The following ZMAT4 variants were observed in gnomAD, a reference collection of about 807,000 sequenced individuals.
The protein encoded by ZMAT4 is zinc finger matrin-type protein 4.
A neutral mutation model predicts 28.7 loss-of-function variants in ZMAT4; 17 were observed. The observed-to-expected ratio is 0.59, with a 90% CI of 0.41 to 0.89. The LOEUF is 0.89. ZMAT4 is among the 40% of genes least tolerant of loss of function. The pLI is 0.00. For missense variants in ZMAT4, 240 were observed against 283.8 expected (o/e 0.85, Z 1.11); for synonymous variants, 117 against 109.2 (o/e 1.07, Z -0.44).
At chr8:40,801,254 G>A (rs181243147) in intron 2 of ZMAT4, among the ~76,000 whole-genome samples, 5 of 150,122 alleles carry the variant, frequency 3.3e-5, no homozygotes, top group African/African-American at 7.3e-5. Flanking sequence ...AGCACCAGAC[G>A]TAAATGGGTT....
At chr8:40,670,200 G>A (rs1168258554) in intron 5 of ZMAT4, among the ~76,000 whole-genome samples, 2 of 152,130 alleles carry the variant, frequency 1.3e-5, no homozygotes, top group Non-Finnish European at 2.9e-5. Flanking sequence ...AAGACAAAGA[G>A]ATCCATGGAA....
At chr8:40,864,181 T>G (rs542453874) in intron 1 of ZMAT4, among the ~76,000 whole-genome samples, 2 of 152,360 alleles carry the variant, frequency 1.3e-5, no homozygotes, top group South Asian at 4.1e-4. Flanking sequence ...CATTTCATCT[T>G]GGAGCAGAAA....
At chr8:40,655,624 A>T (rs1231903412) in intron 5 of ZMAT4, among the ~76,000 whole-genome samples, 1 of 152,052 alleles carries the variant, frequency 6.6e-6, no homozygotes, top group Non-Finnish European at 1.5e-5. Context: ...GAATTAATGG[A>T]ATAGAATTGA....
At chr8:40,703,122 A>T (rs1458000833) in intron 3 of ZMAT4, among the ~76,000 whole-genome samples, 2 of 152,234 alleles carry the variant, frequency 1.3e-5, no homozygotes, top group African/African-American at 4.8e-5. Flanking sequence ...TCCCAGACCT[A>T]ATCCTGAATT....
At chr8:40,709,278 A>G (rs1810500842) in intron 3 of ZMAT4, among the ~76,000 whole-genome samples, 1 of 151,616 alleles carries the variant, frequency 6.6e-6, no homozygotes, top group Non-Finnish European at 1.5e-5. Flanking sequence ...TCATTTTATC[A>G]AATATTTTTG....
At chr8:40,805,761 G>A (rs1054390040) in intron 2 of ZMAT4, among the ~76,000 whole-genome samples, 3 of 141,092 alleles carry the variant, frequency 2.1e-5, no homozygotes, top group Non-Finnish European at 4.6e-5. Flanking sequence ...GACACAGGAA[G>A]GGGAACATCA....
At chr8:40,667,134 T>C (rs1210217080) in intron 5 of ZMAT4, among the ~76,000 whole-genome samples, 1 of 151,556 alleles carries the variant, frequency 6.6e-6, no homozygotes, top group African/African-American at 2.4e-5. Context: ...CCGCAATAAT[T>C]TCTTTTTTTT....
intron 5 of ZMAT4, among the ~76,000 whole-genome samples, chr8:40,605,863 T>C (rs1023081425): frequency 6.6e-6 from 1 of 152,170 alleles, no homozygotes; most frequent in African/African-American, 2.4e-5. Context: ...GGTGCATATA[T>C]AGCATACATA....
chr8:40,785,444 A>G (rs1435149320), intron 2 of ZMAT4, among the ~76,000 whole-genome samples: 1 of 152,228 alleles, frequency 6.6e-6, no homozygotes, highest in Non-Finnish European at 1.5e-5. Context: ...TAGGTGTCCA[A>G]AAAACGCTCC....
chr8:40,845,272 GA>G (rs1473563621), intron 1 of ZMAT4, among the ~76,000 whole-genome samples: 1 of 151,638 alleles, frequency 6.6e-6, no homozygotes, highest in East Asian at 1.9e-4. Flanking sequence ...GCTCCAAAAA[GA>G]AAAAAAATTT....
intron 6 of ZMAT4, among the ~76,000 whole-genome samples, chr8:40,552,027 C>T (rs368028423): frequency 9.2e-4 from 140 of 152,248 alleles, no homozygotes; most frequent in African/African-American, 3.1e-3. Flanking sequence ...CAACAAATGC[C>T]GGCTGAATCA....
At chr8:40,893,058 C>T (rs1174197768) in intron 1 of ZMAT4, among the ~76,000 whole-genome samples, 3 of 152,222 alleles carry the variant, frequency 2.0e-5, no homozygotes, top group Non-Finnish European at 4.4e-5. Flanking sequence ...GCTGCAATTT[C>T]TGTCTATTTT....
At chr8:40,703,037 GT>G (rs1475024118) in intron 3 of ZMAT4, among the ~76,000 whole-genome samples, 2 of 148,868 alleles carry the variant, frequency 1.3e-5, no homozygotes, top group Non-Finnish European at 3.0e-5. Flanking sequence ...ATTCAATAAG[GT>G]GTCTCTAAAC....
At chr8:40,762,466 G>GA (rs1463720189) in intron 3 of ZMAT4, among the ~76,000 whole-genome samples, 1 of 152,036 alleles carries the variant, frequency 6.6e-6, no homozygotes, top group African/African-American at 2.4e-5. Context: ...ACCAACCAGG[G>GA]AAACAGCAAG....
intron 3 of ZMAT4, among the ~76,000 whole-genome samples, chr8:40,756,903 G>C (rs1409549685): frequency 6.6e-6 from 1 of 152,034 alleles, no homozygotes; most frequent in Admixed American, 6.6e-5. Context: ...AGCATTAGCC[G>C]TGAAGCAATG....
chr8:40,890,412 GAAT>G (rs1818627654), intron 1 of ZMAT4, among the ~76,000 whole-genome samples: 1 of 152,068 alleles, frequency 6.6e-6, no homozygotes, highest in South Asian at 2.1e-4. Flanking sequence ...TCCCGGGGAT[GAAT>G]AATTCCTCTT....
At chr8:40,889,536 A>G (rs552184474) in intron 1 of ZMAT4, among the ~76,000 whole-genome samples, 51 of 152,344 alleles carry the variant, frequency 3.3e-4, no homozygotes, top group Non-Finnish European at 5.6e-4. Flanking sequence ...GTTTCCCAAA[A>G]TGCAGTGATA....
intron 6 of ZMAT4, among the ~76,000 whole-genome samples, chr8:40,566,875 A>C (rs1205593280): frequency 1.3e-5 from 2 of 152,130 alleles, no homozygotes; most frequent in East Asian, 3.9e-4. Context: ...TTAGCAGTGG[A>C]AAGTTGTCAG....
chr8:40,662,254 T>G (rs1808235084), intron 5 of ZMAT4, among the ~76,000 whole-genome samples: 1 of 152,192 alleles, frequency 6.6e-6, no homozygotes, highest in African/African-American at 2.4e-5. Flanking sequence ...TTGCTGGGAT[T>G]CTAAGCATAA....
Sources: allele counts gnomAD v4.1 joint callset (sites outside exome capture counted in the v4.1 genomes callset), GRCh38; gene constraint gnomAD v4.1.1; transcripts MANE v1.5; gene names NCBI Gene and HGNC (gene_info 2026-07-23, HGNC 2026-07-21).